SGCZ: variants seen among roughly 807,000 people sequenced by gnomAD.
SGCZ encodes the protein sarcoglycan zeta.
Under a neutral mutation model 41.3 loss-of-function variants are expected in SGCZ, and 40 were observed. The ratio of observed to expected loss-of-function variants is 0.97; its 90% CI spans 0.75 to 1.26. SGCZ has a LOEUF of 1.26. Among genes scored for constraint, SGCZ ranks in the 50% most tolerant of loss-of-function variants. SGCZ has a pLI of 0.00. For missense variants in SGCZ, 552 were observed against 369.8 expected (o/e 1.49, Z -4.04); for synonymous variants, 206 against 137.5 (o/e 1.50, Z -3.49).
chr8:14,770,860 C>G (rs1800212397), intron 1 of SGCZ, among the ~76,000 whole-genome samples: 1 of 151,954 alleles, frequency 6.6e-6, no homozygotes, highest in Non-Finnish European at 1.5e-5. Flanking sequence ...TCCAGGGAAT[C>G]AAGGCAAGGC....
chr8:14,472,718 G>A (rs1239316084), intron 2 of SGCZ, among the ~76,000 whole-genome samples: 2 of 152,074 alleles, frequency 1.3e-5, no homozygotes, highest in African/African-American at 4.8e-5. Context: ...GTATTAAAAT[G>A]TTCCTCCTGT....
intron 2 of SGCZ, among the ~76,000 whole-genome samples, chr8:14,494,598 T>A (rs1397475736): frequency 6.6e-6 from 1 of 152,108 alleles, no homozygotes; most frequent in East Asian, 1.9e-4. Flanking sequence ...TGAGAAGTTG[T>A]TTGATTTTGT....
intron 1 of SGCZ, among the ~76,000 whole-genome samples, chr8:14,818,003 T>A (rs969744221): frequency 6.6e-6 from 1 of 152,086 alleles, no homozygotes; most frequent in Non-Finnish European, 1.5e-5. Flanking sequence ...CATTTACTTA[T>A]CCCAATAGTC....
At position 14,700,604 on chromosome 8, in the gene SGCZ, CTAAAA is replaced by C. The variant is rs541782768; in HGVS notation, c.40-145683_40-145679del. ...CATACCAGCACATGTACCCCCAAAA[CTAAAA>C]TAAAAGTTGATTCAAAAATCAACCT... On this transcript the variant is annotated intron_variant, in intron 1 of 7. Coordinates refer to ENST00000382080, the MANE Select transcript of SGCZ (RefSeq NM_139167.4). Among the ~76,000 whole-genome samples, 314 of 151,868 alleles carry C rather than the reference CTAAAA, an allele frequency of 2.1e-3. 2 individuals carry two copies. The highest frequency in any genetic ancestry group is 7.2e-3 in the African/African-American group (297 of 41,442).
chr8:14,933,403 G>C (rs1039783491), intron 1 of SGCZ, among the ~76,000 whole-genome samples: 1 of 151,388 alleles, frequency 6.6e-6, no homozygotes, highest in African/African-American at 2.4e-5. Context: ...CACCATTGAA[G>C]GAGTTTTATT....
chr8:15,113,831 C>T (rs1255151758), intron 1 of SGCZ, among the ~76,000 whole-genome samples: 1 of 152,180 alleles, frequency 6.6e-6, no homozygotes, highest in Non-Finnish European at 1.5e-5. Flanking sequence ...TCTGTAATCA[C>T]AGATTTGTGA....
At chr8:14,343,309 A>G (rs1802776062) in intron 2 of SGCZ, among the ~76,000 whole-genome samples, 2 of 152,148 alleles carry the variant, frequency 1.3e-5, no homozygotes, top group East Asian at 1.9e-4. Context: ...GAGGGCCACC[A>G]TCCTCCAGAC....
chr8:14,211,698 A>G (rs1456771408), intron 4 of SGCZ, among the ~76,000 whole-genome samples: 2 of 152,086 alleles, frequency 1.3e-5, no homozygotes, highest in African/African-American at 4.8e-5. Flanking sequence ...ACACACTTTT[A>G]AACCATCACA....
chr8:14,855,560 T>C (rs1034859532), intron 1 of SGCZ, among the ~76,000 whole-genome samples: 2 of 152,206 alleles, frequency 1.3e-5, no homozygotes, highest in Non-Finnish European at 2.9e-5. Context: ...CTCTCATCTC[T>C]AGGCATCCCT....
intron 1 of SGCZ, among the ~76,000 whole-genome samples, chr8:14,702,999 T>G (rs1336136594): frequency 1.3e-5 from 2 of 151,676 alleles, no homozygotes; most frequent in African/African-American, 4.8e-5. Context: ...ATAGATTTAT[T>G]TGAACAATTC....
chr8:14,297,894 A>G (rs1427014), intron 3 of SGCZ, among the ~76,000 whole-genome samples: 7,413 of 151,894 alleles, frequency 0.049, 276 homozygotes, highest in East Asian at 0.17. Context: ...TCATTTTAGG[A>G]GGGAGAATGA....
At chr8:14,342,106 T>C (rs1425600456) in intron 2 of SGCZ, among the ~76,000 whole-genome samples, 2 of 152,162 alleles carry the variant, frequency 1.3e-5, no homozygotes, top group Non-Finnish European at 2.9e-5. Flanking sequence ...ACTTGTTGAA[T>C]GGCTTTGCCC....
At chr8:14,215,232 T>G (rs759029198) in intron 4 of SGCZ, among the ~76,000 whole-genome samples, 13 of 152,076 alleles carry the variant, frequency 8.5e-5, no homozygotes, top group Non-Finnish European at 1.8e-4. Flanking sequence ...TTTCAAACAC[T>G]TGAAAACTAA....
At chr8:14,794,089 A>G (rs1225640568) in intron 1 of SGCZ, among the ~76,000 whole-genome samples, 1 of 152,116 alleles carries the variant, frequency 6.6e-6, no homozygotes, top group Admixed American at 6.6e-5. Context: ...GCCTACAAAG[A>G]TCATCTTCAA....
intron 1 of SGCZ, among the ~76,000 whole-genome samples, chr8:14,641,065 T>C (rs60359997): frequency 0.053 from 7,965 of 151,638 alleles, 234 homozygotes; most frequent in South Asian, 0.15. Flanking sequence ...TCTGTTCCCA[T>C]CTTGTCCAGT....
intron 2 of SGCZ, among the ~76,000 whole-genome samples, chr8:14,513,713 G>T (rs1224381183): frequency 1.3e-5 from 2 of 151,994 alleles, no homozygotes; most frequent in African/African-American, 4.8e-5. Context: ...ATATGCTTCA[G>T]AAAACTCCCC....
intron 1 of SGCZ, among the ~76,000 whole-genome samples, chr8:15,177,817 G>A (rs1800045827): frequency 6.6e-6 from 1 of 152,122 alleles, no homozygotes; most frequent in Non-Finnish European, 1.5e-5. Context: ...AGTATACGTG[G>A]ACCTTTCATG....
intron 1 of SGCZ, among the ~76,000 whole-genome samples, chr8:14,612,159 T>C (rs373305004): frequency 6.6e-6 from 1 of 152,296 alleles, no homozygotes; most frequent in South Asian, 2.1e-4. Context: ...AAGGTGTTGA[T>C]ATGGTTTGGC....
intron 1 of SGCZ, among the ~76,000 whole-genome samples, chr8:15,132,898 T>C (rs1807964005): frequency 6.6e-6 from 1 of 152,146 alleles, no homozygotes; most frequent in African/African-American, 2.4e-5. Flanking sequence ...CTCACCACTT[T>C]GGAAATCCAA....
Sources: gnomAD v4.1 joint callset for allele counts (sites outside exome capture counted in the v4.1 genomes callset) on GRCh38, gnomAD v4.1.1 for gene constraint, MANE v1.5 for transcripts, NCBI Gene and HGNC (gene_info 2026-07-23, HGNC 2026-07-21) for gene names.